The following DGKD variants were observed in gnomAD, a reference collection of about 807,000 sequenced individuals.
DGKD encodes the protein diacylglycerol kinase delta.
DGKD carries 68 observed loss-of-function variants against 154.4 expected under a neutral mutation model. The observed-to-expected ratio is 0.44, with a 90% CI of 0.36 to 0.54. The LOEUF (loss-of-function observed/expected upper bound fraction) is 0.54. Among genes scored for constraint, DGKD ranks in the 20% least tolerant of loss-of-function variants. The pLI is 0.00. For missense variants in DGKD, 1,343 were observed against 1,593.6 expected, an observed-to-expected ratio of 0.84 and a Z score of 2.68; for synonymous variants, 693 against 638.0, an observed-to-expected ratio of 1.09 and a Z score of -1.30.
intron 9 of DGKD, among the ~76,000 whole-genome samples, chr2:233,439,025 T>TC (rs1427623024): frequency 2.0e-5 from 3 of 152,238 alleles, no homozygotes; most frequent in Non-Finnish European, 4.4e-5. Context: ...ATTAGACTGT[T>TC]CCTCTGCTTG....
intron 3 of DGKD, among the ~76,000 whole-genome samples, chr2:233,421,333 C>G (rs777244971): frequency 3.9e-5 from 6 of 152,176 alleles, no homozygotes; most frequent in Non-Finnish European, 7.3e-5. Context: ...GTCCTCAGAG[C>G]ACATCCAGAG....
chr2:233,462,616 C>T (rs780150070), intron 25 of DGKD, 27 bp from the exon 26 acceptor site: 7 of 1,607,258 alleles, frequency 4.4e-6, no homozygotes, highest in Non-Finnish European at 4.3e-6. Flanking sequence ...CCCCCGCCCC[C>T]ATGCATATTT....
At chr2:233,460,069 T>TAA (rs780838849) in intron 23 of DGKD, 125 bp from the exon 24 acceptor site, 87 of 1,372,180 alleles carry the variant, frequency 6.3e-5, no homozygotes, top group African/African-American at 2.6e-4. Flanking sequence ...CCCCTAATGT[T>TAA]AAAAAAAAAA....
At chr2:233,396,923 TGGCTGGGGGGGGCCAGAGC>T (rs1704085368) in intron 3 of DGKD, among the ~76,000 whole-genome samples, 2 of 118,544 alleles carry the variant, frequency 1.7e-5, no homozygotes, top group Non-Finnish European at 3.5e-5. Context: ...GGGACCAGCG[TGGCTGGGGGGGGCCAGAGC>T]GAGAGGACAC....
At chr2:233,403,812 T>C (rs2061615522) in intron 3 of DGKD, among the ~76,000 whole-genome samples, 1 of 151,908 alleles carries the variant, frequency 6.6e-6, no homozygotes, top group South Asian at 2.1e-4. Flanking sequence ...GCTAATTTTT[T>C]TGTATTTTTA....
Position 233,427,151 on chromosome 2 carries a change from A to G in DGKD, c.349-7229A>G, listed in dbSNP as rs1223472197. Among the ~76,000 whole-genome samples, 2 of 151,538 alleles carry G rather than the reference A, an allele frequency of 1.3e-5. 1 individual carries two copies. The highest frequency in any genetic ancestry group is 2.9e-5 in the Non-Finnish European group (2 of 67,958). ...TTATCCACTCCTCCTCTGTGACATC[A>G]CGTTTCTTTCTCCAGTCATCAAGCA... On this transcript the variant is annotated intron_variant, in intron 3 of 29. Coordinates refer to ENST00000264057, the MANE Select transcript of DGKD (RefSeq NM_152879.3).
intron 1 of DGKD, among the ~76,000 whole-genome samples, chr2:233,373,045 G>C (rs186006243): frequency 7.2e-5 from 11 of 152,258 alleles, no homozygotes; most frequent in African/African-American, 2.6e-4. Context: ...TACTGCGGGC[G>C]GGTCCCGTGC....
intron 5 of DGKD, 61 bp downstream of exon 5, chr2:233,434,962 C>T: frequency 1.9e-6 from 3 of 1,561,774 alleles, no homozygotes; most frequent in African/African-American, 1.3e-5. Flanking sequence ...CTTGATAAAG[C>T]CTTGGAAATC....
At chr2:233,397,547 GC>G (rs2061447764) in intron 3 of DGKD, among the ~76,000 whole-genome samples, 2 of 65,588 alleles carry the variant, frequency 3.0e-5, no homozygotes, top group South Asian at 5.2e-4. Flanking sequence ...GGGGGGGGGG[GC>G]AGAGTGAGAG....
intron 1 of DGKD, among the ~76,000 whole-genome samples, chr2:233,382,656 ATTTG>A (rs1220969663): frequency 1.3e-5 from 2 of 151,888 alleles, no homozygotes; most frequent in African/African-American, 4.8e-5. Context: ...GCTGTTTTTC[ATTTG>A]TTTGTCTTTT....
chr2:233,446,599 A>G lies in DGKD; in HGVS notation c.1335-113A>G, dbSNP rs1006577860. 5.5e-5 allele frequency: 59 copies of G among 1,065,644 alleles called. 2 individuals carry two copies. The South Asian group carries it at 8.6e-4, about 16-fold the overall frequency. 66.0% of individuals were successfully genotyped at this position (1,065,644 alleles called of 1,614,324 possible). On this transcript the variant is annotated intron_variant, in intron 11 of 29. Transcript: ENST00000264057. Reference sequence around the variant, plus strand: ...GTCAAGACCAAGGGCCTAAAAATGAAGTCAGAAACGGTGTAAAGATCAAGG... The same window carrying G: ...GTCAAGACCAAGGGCCTAAAAATGAGGTCAGAAACGGTGTAAAGATCAAGG...
intron 3 of DGKD, among the ~76,000 whole-genome samples, chr2:233,405,404 G>T (rs999599767): frequency 2.6e-5 from 4 of 152,108 alleles, no homozygotes. Flanking sequence ...TGTAATCCCA[G>T]CTACTCAGGA....
intron 1 of DGKD, among the ~76,000 whole-genome samples, chr2:233,366,405 T>C (rs1399925517): frequency 6.6e-6 from 1 of 152,006 alleles, no homozygotes; most frequent in East Asian, 1.9e-4. Flanking sequence ...GAGGTGACAT[T>C]GTGAGAACTC....
chr2:233,470,019 C>T lies in DGKD; in HGVS notation c.*559C>T, dbSNP rs553663440. On this transcript the variant is annotated 3_prime_UTR_variant, in exon 30 of 30. Transcript: ENST00000264057. Reference sequence around the variant, plus strand: ...TGAAAGTAGCATGGATGTTTCCAGTCTTGTTGATTGTAATTTGACGTGAAG... The same window carrying T: ...TGAAAGTAGCATGGATGTTTCCAGTTTTGTTGATTGTAATTTGACGTGAAG... The T allele has an allele frequency of 6.6e-6, 1 of 152,588 alleles. No individual in the cohort carries two copies. The highest frequency in any genetic ancestry group is 2.1e-4 in the South Asian group (1 of 4,842). 9.5% of individuals were successfully genotyped at this position (152,588 alleles called of 1,614,324 possible).
chr2:233,427,667 T>G (rs2062358500), intron 3 of DGKD, among the ~76,000 whole-genome samples: 1 of 152,250 alleles, frequency 6.6e-6, no homozygotes, highest in South Asian at 2.1e-4. Context: ...TGATTTGCAA[T>G]TATCTTTTAA....
In DGKD at chr2:233,468,491, ATCT is replaced by A; in HGVS notation, c.3496_3498del (p.Phe1166del). ...CCTCAGTCTCTGTGAGTATAAGGAC[ATCT>A]TCACACGGCACGACATCCGGGGCTC... On this transcript the variant is annotated inframe_deletion, in exon 29 of 30. Transcript: ENST00000264057. 6.2e-7 allele frequency: 1 copy of A among 1,613,578 alleles called. No homozygotes were observed. The highest frequency in any genetic ancestry group is 1.7e-5 in the Admixed American group (1 of 59,960).
At chr2:233,466,018 C>G (rs896138500) in intron 27 of DGKD, among the ~76,000 whole-genome samples, 1 of 152,086 alleles carries the variant, frequency 6.6e-6, no homozygotes, top group African/African-American at 2.4e-5. Flanking sequence ...GTATAGTCAT[C>G]AACTTATGAC....
chr2:233,388,105 C>T, intron 1 of DGKD, 152 bp from the exon 2 acceptor site: 1 of 1,482,902 alleles, frequency 6.7e-7, no homozygotes, highest in Non-Finnish European at 9.0e-7. Context: ...GCGTGCTGGG[C>T]CTGTGCATAG....
Position 233,358,799 on chromosome 2 carries a change from G to A in DGKD, c.156+4125G>A, listed in dbSNP as rs149813974. Among the ~76,000 whole-genome samples, 681 of 152,280 alleles carry A rather than the reference G, an allele frequency of 4.5e-3. 6 individuals carry two copies. Among genetic ancestry groups the A allele is most frequent in the African/African-American group, 0.015 (643 of 41,542 alleles). Reference sequence around the variant, plus strand: ...CTGTATTTTATTTATCCATTTATCAGTTGATGGACATTTGGGTTATTTCTA... The same window carrying A: ...CTGTATTTTATTTATCCATTTATCAATTGATGGACATTTGGGTTATTTCTA... On this transcript the variant is annotated intron_variant, in intron 1 of 29. Transcript: ENST00000264057.
Sources: allele counts gnomAD v4.1 joint callset (sites outside exome capture counted in the v4.1 genomes callset), GRCh38; gene constraint gnomAD v4.1.1; transcripts MANE v1.5; gene names NCBI Gene and HGNC (gene_info 2026-07-23, HGNC 2026-07-21).